The following PRKAR2B variants were observed in gnomAD, a reference collection of about 807,000 sequenced individuals.
PRKAR2B encodes the protein cAMP-dependent protein kinase type II-beta regulatory subunit.
A neutral mutation model predicts 49.9 loss-of-function variants in PRKAR2B; 14 were observed. That is an observed-to-expected ratio of 0.28 (90% CI 0.19 to 0.44). PRKAR2B has a LOEUF of 0.44. Ranked by LOEUF, PRKAR2B falls within the 20% of genes least tolerant of loss-of-function variation. The probability of loss-of-function intolerance (pLI) is 1.00; values close to 1 mark genes in which losing one functional copy is unlikely to be tolerated. For missense variants in PRKAR2B, 393 were observed against 537.9 expected (o/e 0.73, Z 2.67); for synonymous variants, 196 against 197.7 (o/e 0.99, Z 0.07).
chr7:107,153,059 A>G (rs752896619), intron 7 of PRKAR2B, 118 bp from the exon 8 acceptor site: 1 of 494,898 alleles, frequency 2.0e-6, no homozygotes, highest in Middle Eastern at 3.1e-4. Context: ...AAACACATAT[A>G]CAACCTACAC....
chr7:107,049,977 A>G (rs1793770240), intron 1 of PRKAR2B, among the ~76,000 whole-genome samples: 1 of 152,196 alleles, frequency 6.6e-6, no homozygotes, highest in South Asian at 2.1e-4. Flanking sequence ...TGAGTTAGAG[A>G]TAGTGATTGT....
intron 1 of PRKAR2B, among the ~76,000 whole-genome samples, chr7:107,060,214 GAA>G (rs1562842704): frequency 6.6e-6 from 1 of 152,088 alleles, no homozygotes. Context: ...TTTTGAGATC[GAA>G]AAGTTTGTGG....
At chr7:107,092,161 A>G (rs1794742193) in intron 2 of PRKAR2B, among the ~76,000 whole-genome samples, 1 of 152,010 alleles carries the variant, frequency 6.6e-6, no homozygotes, top group Non-Finnish European at 1.5e-5. Flanking sequence ...GGTTTGGATC[A>G]GATTGTGGGG....
chr7:107,053,115 G>A (rs536620080), intron 1 of PRKAR2B, among the ~76,000 whole-genome samples: 6 of 152,306 alleles, frequency 3.9e-5, no homozygotes, highest in African/African-American at 1.2e-4. Context: ...ATAGGCAAGA[G>A]CCACCACACC....
chr7:107,096,366 T>A (rs973405155), intron 2 of PRKAR2B, among the ~76,000 whole-genome samples: 4 of 152,214 alleles, frequency 2.6e-5, no homozygotes, highest in Non-Finnish European at 5.9e-5. Flanking sequence ...TTATCATTTT[T>A]TATTGCATCT....
At chr7:107,097,408 A>G (rs1458005281) in intron 2 of PRKAR2B, among the ~76,000 whole-genome samples, 1 of 152,068 alleles carries the variant, frequency 6.6e-6, no homozygotes, top group Non-Finnish European at 1.5e-5. Flanking sequence ...GTATCTCTGC[A>G]CGTGAGATGG....
intron 1 of PRKAR2B, among the ~76,000 whole-genome samples, chr7:107,049,755 C>T (rs1234117768): frequency 1.3e-5 from 2 of 152,022 alleles, no homozygotes; most frequent in Non-Finnish European, 2.9e-5. Flanking sequence ...TAATAAAATC[C>T]ATATCTTTTC....
chr7:107,125,086 T>C (rs1182143144), intron 3 of PRKAR2B, among the ~76,000 whole-genome samples: 1 of 151,858 alleles, frequency 6.6e-6, no homozygotes, highest in African/African-American at 2.4e-5. Flanking sequence ...TGATTTTTTT[T>C]CCCCCAGTCA....
At chr7:107,101,143 T>A (rs559818992) in intron 2 of PRKAR2B, among the ~76,000 whole-genome samples, 18 of 149,770 alleles carry the variant, frequency 1.2e-4, no homozygotes, top group East Asian at 3.9e-4. Flanking sequence ...TTATTTTTTT[T>A]TTTTTTTTTT....
chr7:107,119,752 G>A (rs1795354768), intron 2 of PRKAR2B, among the ~76,000 whole-genome samples: 1 of 152,194 alleles, frequency 6.6e-6, no homozygotes, highest in Non-Finnish European at 1.5e-5. Flanking sequence ...TGGTTTTCCA[G>A]CAGGGAGAGA....
intron 2 of PRKAR2B, among the ~76,000 whole-genome samples, chr7:107,097,066 G>A (rs1794853550): frequency 6.6e-6 from 1 of 152,150 alleles, no homozygotes; most frequent in Non-Finnish European, 1.5e-5. Flanking sequence ...GGATATCTTT[G>A]TTAACTTTCT....
chr7:107,084,150 G>C (rs1413689151), intron 2 of PRKAR2B, among the ~76,000 whole-genome samples: 1 of 152,172 alleles, frequency 6.6e-6, no homozygotes, highest in Non-Finnish European at 1.5e-5. Flanking sequence ...TAGGCAATTT[G>C]TAGTACCAGC....
Position 107,158,400 on chromosome 7 carries a change from A to T in PRKAR2B, c.1124-1049A>T, listed in dbSNP as rs565480554. Among the ~76,000 whole-genome samples, 17 of 152,326 alleles carry T rather than the reference A, an allele frequency of 1.1e-4. No individual in the cohort carries two copies. In the East Asian group the frequency reaches 3.1e-3, roughly 28 times the overall value. On this transcript the variant is annotated intron_variant, in intron 10 of 10. Transcript: ENST00000265717. ...GCCACTCAGTGATTTCTGCTATTAT[A>T]ATTCCTTCTTGTCCTTTTTATTTGT...
intron 1 of PRKAR2B, among the ~76,000 whole-genome samples, chr7:107,049,694 G>C (rs1793763396): frequency 6.6e-6 from 1 of 152,128 alleles, no homozygotes; most frequent in Non-Finnish European, 1.5e-5. Flanking sequence ...GCGAGGTGAA[G>C]CAGGGAATGA....
chr7:107,071,726 G>A (rs1407974049), intron 2 of PRKAR2B, among the ~76,000 whole-genome samples: 1 of 152,180 alleles, frequency 6.6e-6, no homozygotes, highest in East Asian at 1.9e-4. Context: ...CGTATGACAT[G>A]TGACATTTAT....
chr7:107,119,639 A>G (rs940346824), intron 2 of PRKAR2B, among the ~76,000 whole-genome samples: 2 of 152,190 alleles, frequency 1.3e-5, no homozygotes, highest in African/African-American at 2.4e-5. Context: ...GCCTCAGGCT[A>G]TCCAGCCTGA....
chr7:107,140,839 A>G lies in PRKAR2B; in HGVS notation c.481-8A>G, dbSNP rs749958012. 1.9e-6 allele frequency: 3 copies of G among 1,592,390 alleles called. No individual in the cohort carries two copies. Among genetic ancestry groups the G allele is most frequent in the Non-Finnish European group, 2.6e-6 (3 of 1,168,048 alleles). ...ATAAAGATTATATCCCATCTTTTTT[A>G]AAAATAGGAGCAGATGTCTCAAGTA... On this transcript the variant is annotated splice_polypyrimidine_tract_variant and splice_region_variant and intron_variant, in intron 4 of 10. Coordinates refer to ENST00000265717, the MANE Select transcript of PRKAR2B (RefSeq NM_002736.3).
At chr7:107,092,996 C>G (rs1584423493) in intron 2 of PRKAR2B, among the ~76,000 whole-genome samples, 1 of 152,228 alleles carries the variant, frequency 6.6e-6, no homozygotes. Flanking sequence ...TGACTGGCTT[C>G]TTTCACTTCG....
chr7:107,097,878 C>T (rs999261996), intron 2 of PRKAR2B, among the ~76,000 whole-genome samples: 1 of 152,178 alleles, frequency 6.6e-6, no homozygotes, highest in Admixed American at 6.5e-5. Context: ...CCGAGAGATC[C>T]ACTGTTAGTC....
Sources: gnomAD v4.1 joint callset for allele counts (sites outside exome capture counted in the v4.1 genomes callset) on GRCh38, gnomAD v4.1.1 for gene constraint, MANE v1.5 for transcripts, NCBI Gene and HGNC (gene_info 2026-07-23, HGNC 2026-07-21) for gene names.